Variants in MACROD2 observed in about 807,000 individuals in gnomAD.
MACROD2 encodes the protein mono-ADP ribosylhydrolase 2.
Under a neutral mutation model 70.4 loss-of-function variants are expected in MACROD2, and 36 were observed. The ratio of observed to expected loss-of-function variants is 0.51; its 90% CI spans 0.39 to 0.68. MACROD2 has a LOEUF of 0.68. Among genes scored for constraint, MACROD2 ranks in the 30% least tolerant of loss-of-function variants. MACROD2 has a pLI of 0.00. For synonymous variants in MACROD2, 172 were observed against 178.8 expected, an observed-to-expected ratio of 0.96 and a Z score of 0.30; for missense variants, 496 against 538.4, an observed-to-expected ratio of 0.92 and a Z score of 0.78.
intron 2 of MACROD2, among the ~76,000 whole-genome samples, chr20:14,037,009 T>A (rs1035259035): frequency 1.3e-5 from 2 of 152,240 alleles, no homozygotes; most frequent in Non-Finnish European, 2.9e-5. Context: ...CTGGTCTCTG[T>A]TTTTCCTCCT....
chr20:14,309,282 C>A (rs982144405), intron 3 of MACROD2, among the ~76,000 whole-genome samples: 1 of 152,062 alleles, frequency 6.6e-6, no homozygotes, highest in African/African-American at 2.4e-5. Context: ...ATAACTTAGA[C>A]CCTTCACGTA....
chr20:14,579,165 C>T (rs1449983339), intron 4 of MACROD2, among the ~76,000 whole-genome samples: 1 of 120,624 alleles, frequency 8.3e-6, no homozygotes, highest in Admixed American at 1.1e-4. Flanking sequence ...GACGGAGTCT[C>T]GCTCTGTCGC....
intron 5 of MACROD2, among the ~76,000 whole-genome samples, chr20:14,835,912 G>A (rs919967915): frequency 2.0e-5 from 3 of 151,920 alleles, no homozygotes; most frequent in Non-Finnish European, 2.9e-5. Context: ...AGGAAAAGTC[G>A]GGCAAGTGGG....
chr20:15,944,090 T>C (rs550971271), intron 12 of MACROD2, among the ~76,000 whole-genome samples: 16 of 152,270 alleles, frequency 1.1e-4, no homozygotes, highest in Admixed American at 6.5e-4. Context: ...ATAACTTAGT[T>C]ATTTATAGTT....
chr20:14,502,895 GTA>G (rs1167932797), intron 4 of MACROD2, among the ~76,000 whole-genome samples: 1 of 152,178 alleles, frequency 6.6e-6, no homozygotes, highest in Non-Finnish European at 1.5e-5. Context: ...TCATCGGTAT[GTA>G]TAGTGGTCAT....
intron 4 of MACROD2, among the ~76,000 whole-genome samples, chr20:14,617,550 T>C (rs897720990): frequency 6.6e-6 from 1 of 152,168 alleles, no homozygotes; most frequent in Non-Finnish European, 1.5e-5. Flanking sequence ...AGAAATGTTC[T>C]TTTATCTGCA....
chr20:14,423,369 G>A (rs2122900924), intron 3 of MACROD2, among the ~76,000 whole-genome samples: 1 of 151,062 alleles, frequency 6.6e-6, no homozygotes, highest in Admixed American at 6.6e-5. Context: ...GTTTTTTGAT[G>A]TTTCTGGGGG....
intron 5 of MACROD2, among the ~76,000 whole-genome samples, chr20:14,900,172 T>C (rs2073878730): frequency 6.6e-6 from 1 of 152,130 alleles, no homozygotes; most frequent in African/African-American, 2.4e-5. Flanking sequence ...CACTTGGTCA[T>C]GATTATAATT....
intron 3 of MACROD2, among the ~76,000 whole-genome samples, chr20:14,186,068 T>C (rs1262369760): frequency 6.6e-6 from 1 of 152,162 alleles, no homozygotes; most frequent in East Asian, 1.9e-4. Context: ...CCCTGGCCTT[T>C]TTGATGCCCA....
intron 5 of MACROD2, among the ~76,000 whole-genome samples, chr20:14,956,022 T>TG (rs919131947): frequency 4.3e-5 from 6 of 140,922 alleles, no homozygotes; most frequent in South Asian, 2.4e-4. Context: ...AGCTTTTAGC[T>TG]GTTTTTTTTT....
intron 5 of MACROD2, among the ~76,000 whole-genome samples, chr20:14,747,909 A>G (rs1341126769): frequency 6.6e-6 from 1 of 152,090 alleles, no homozygotes; most frequent in Non-Finnish European, 1.5e-5. Flanking sequence ...AATAAAGTCA[A>G]ACCAAGGTGG....
chr20:14,565,149 G>C (rs564796649), intron 4 of MACROD2, among the ~76,000 whole-genome samples: 1 of 151,926 alleles, frequency 6.6e-6, no homozygotes, highest in South Asian at 2.1e-4. Flanking sequence ...ACATGGACAT[G>C]CAGAGTGGAA....
intron 8 of MACROD2, among the ~76,000 whole-genome samples, chr20:15,849,453 C>T (rs780410461): frequency 2.6e-5 from 4 of 152,182 alleles, no homozygotes; most frequent in Admixed American, 6.5e-5. Context: ...GACGATTGCA[C>T]GGTTATGCAG....
At chr20:15,615,072 C>T (rs2049019205) in intron 8 of MACROD2, among the ~76,000 whole-genome samples, 1 of 152,188 alleles carries the variant, frequency 6.6e-6, no homozygotes, top group African/African-American at 2.4e-5. Flanking sequence ...TACTGACTTT[C>T]CTCTATCCCG....
At chr20:14,888,708 C>T (rs1171036380) in intron 5 of MACROD2, 1 of 152,156 alleles carries the variant, frequency 6.6e-6, no homozygotes, top group East Asian at 1.9e-4. Context: ...ATTTGGACAT[C>T]GCTATGGTTG....
At chr20:14,515,733 T>C (rs1201039302) in intron 4 of MACROD2, among the ~76,000 whole-genome samples, 1 of 151,926 alleles carries the variant, frequency 6.6e-6, no homozygotes, top group Non-Finnish European at 1.5e-5. Context: ...GAGCTGTTGA[T>C]TGAAGGATAC....
At chr20:14,404,981 G>A (rs774504636) in intron 3 of MACROD2, among the ~76,000 whole-genome samples, 1 of 151,926 alleles carries the variant, frequency 6.6e-6, no homozygotes, top group African/African-American at 2.4e-5. Flanking sequence ...TATATTCCAG[G>A]CAATTATCAA....
At chr20:15,190,401 G>T (rs975155658) in intron 5 of MACROD2, among the ~76,000 whole-genome samples, 1 of 152,118 alleles carries the variant, frequency 6.6e-6, no homozygotes, top group Non-Finnish European at 1.5e-5. Flanking sequence ...CCCCTCAGTA[G>T]AGGCCATTCA....
chr20:15,229,859 A>G, intron 5 of MACROD2, 81 bp from the exon 6 acceptor site: 2 of 1,369,654 alleles, frequency 1.5e-6, no homozygotes, highest in Non-Finnish European at 1.9e-6. Context: ...ACAAATACCT[A>G]AAATAAATAA....
Sources: gnomAD v4.1 joint callset for allele counts (sites outside exome capture counted in the v4.1 genomes callset) on GRCh38, gnomAD v4.1.1 for gene constraint, MANE v1.5 for transcripts, NCBI Gene and HGNC (gene_info 2026-07-23, HGNC 2026-07-21) for gene names.